The following IQSEC1 variants were observed in gnomAD, a reference collection of about 807,000 sequenced individuals.
The protein encoded by IQSEC1 is IQ motif and Sec7 domain ArfGEF 1, also known as IQ motif and SEC7 domain-containing protein 1.
Under a neutral mutation model 91.0 loss-of-function variants are expected in IQSEC1, and 31 were observed. That is an observed-to-expected ratio of 0.34 (90% CI 0.26 to 0.46). The LOEUF is 0.46. IQSEC1 is among the 20% of genes least tolerant of loss of function. The pLI, the probability that IQSEC1 is intolerant of heterozygous loss-of-function variation, is 1.00. For synonymous variants in IQSEC1, 699 were observed against 662.6 expected, an observed-to-expected ratio of 1.05 and a Z score of -0.84; for missense variants, 1,388 against 1,575.6, an observed-to-expected ratio of 0.88 and a Z score of 2.02.
rs1489519449 is a variant in IQSEC1 at position 12,940,108 on chromosome 3, T to G, written c.318+1463A>C. On this transcript the variant is annotated intron_variant, in intron 2 of 13. Transcript: ENST00000613206. The surrounding 1 kb of genome is among the most constrained non-coding windows in gnomAD (Gnocchi z 4.4). ...CTCCTTTCTGTTTAAATGGCTCTGT[T>G]GCAGACATCTCTTACTATAAACCGT... Among the ~76,000 whole-genome samples, 1 of 152,244 alleles carries G rather than the reference T, an allele frequency of 6.6e-6. No individual in the cohort carries two copies. Among genetic ancestry groups the G allele is most frequent in the Admixed American group, 6.5e-5 (1 of 15,286 alleles).
At chr3:13,245,385 AG>A (rs1695091567) in intron 1 of IQSEC1, among the ~76,000 whole-genome samples, 1 of 152,184 alleles carries the variant, frequency 6.6e-6, no homozygotes, top group African/African-American at 2.4e-5. Flanking sequence ...TCCTGGCCAA[AG>A]CAAGCCACTC....
At position 12,986,274 on chromosome 3, in the gene IQSEC1, C is replaced by T. The variant is rs181910339; in HGVS notation, c.24-44409G>A. ...CTCCTGCTCTTTGTCCCGACTTTTT[C>T]CCCAGAGGCCTAGAGTTCCCTGGAG... On this transcript the variant is annotated intron_variant, in intron 1 of 13. Transcript: ENST00000613206. Among the ~76,000 whole-genome samples, 819 of 152,262 alleles carry T rather than the reference C, an allele frequency of 5.4e-3. 6 individuals carry two copies. Among genetic ancestry groups the T allele is most frequent in the African/African-American group, 0.019 (793 of 41,560 alleles).
At chr3:13,134,842 A>T (rs1487942174) in intron 2 of IQSEC1, among the ~76,000 whole-genome samples, 1 of 152,168 alleles carries the variant, frequency 6.6e-6, no homozygotes, top group Non-Finnish European at 1.5e-5. Context: ...CAGCTGGCCC[A>T]GTCCAGCCTC....
At chr3:13,028,810 G>A (rs1041236169) in intron 1 of IQSEC1, among the ~76,000 whole-genome samples, 1 of 152,232 alleles carries the variant, frequency 6.6e-6, no homozygotes, top group Non-Finnish European at 1.5e-5. Flanking sequence ...ATTCTTCAGT[G>A]TTGGAGATGG....
chr3:13,007,913 C>G (rs1702706903), intron 1 of IQSEC1, among the ~76,000 whole-genome samples: 1 of 152,176 alleles, frequency 6.6e-6, no homozygotes, highest in African/African-American at 2.4e-5. Context: ...CCCACCCTTC[C>G]CCGGAGCAAG....
intron 2 of IQSEC1, among the ~76,000 whole-genome samples, chr3:13,094,267 T>C (rs551832): frequency 0.76 from 115,750 of 152,054 alleles, 44,340 homozygotes; most frequent in East Asian, 0.89. Context: ...AGGGACTGCA[T>C]CAGGCCTTGA....
At chr3:13,255,766 G>A (rs1182103411) in intron 1 of IQSEC1, among the ~76,000 whole-genome samples, 1 of 152,142 alleles carries the variant, frequency 6.6e-6, no homozygotes, top group Admixed American at 6.5e-5. Context: ...ACAGGCACGA[G>A]CCACTGTAAT....
At chr3:13,210,757 G>A (rs546310689) in intron 1 of IQSEC1, among the ~76,000 whole-genome samples, 1 of 152,264 alleles carries the variant, frequency 6.6e-6, no homozygotes, top group Non-Finnish European at 1.5e-5. Flanking sequence ...GCAGCCTCAG[G>A]AGTCATGTGT....
At chr3:13,137,679 G>A (rs1706732458) in intron 2 of IQSEC1, among the ~76,000 whole-genome samples, 1 of 152,118 alleles carries the variant, frequency 6.6e-6, no homozygotes, top group Non-Finnish European at 1.5e-5. Context: ...GCACAAAGAA[G>A]GGGCACAGTG....
chr3:12,953,430 C>T (rs1030332155), intron 1 of IQSEC1, among the ~76,000 whole-genome samples: 10 of 152,352 alleles, frequency 6.6e-5, no homozygotes, highest in African/African-American at 1.4e-4. Context: ...GGCCCAGGTC[C>T]GCCTCAGGCT....
intron 12 of IQSEC1, among the ~76,000 whole-genome samples, chr3:12,907,854 C>G (rs189617501): frequency 6.6e-6 from 1 of 152,248 alleles, no homozygotes; most frequent in Non-Finnish European, 1.5e-5. Context: ...TCAATGGCCT[C>G]TGGGCTGGAC....
intron 1 of IQSEC1, among the ~76,000 whole-genome samples, chr3:13,212,842 C>T (rs1694472267): frequency 6.6e-6 from 1 of 152,166 alleles, no homozygotes; most frequent in Admixed American, 6.5e-5. Flanking sequence ...TATTCCAGTC[C>T]TTGGCCCATT....
rs192587856 is a variant in IQSEC1, at chr3:13,121,102, A to G, written c.302+43002T>C. Among the ~76,000 whole-genome samples, 190 of 152,276 alleles carry G rather than the reference A, an allele frequency of 1.2e-3. 1 individual carries two copies. The highest frequency in any genetic ancestry group is 4.0e-3 in the African/African-American group (168 of 41,548). ...GTCGGCATCGTCCTCGGCCCTGACTATCACAGTCGCTGCCCTATGCTGTAC... is the reference window on the plus strand; with the variant it reads ...GTCGGCATCGTCCTCGGCCCTGACTGTCACAGTCGCTGCCCTATGCTGTAC... On this transcript the variant is annotated intron_variant, in intron 2 of 15. Coordinates refer to the IQSEC1 transcript ENST00000648114.
intron 1 of IQSEC1, among the ~76,000 whole-genome samples, chr3:13,167,455 G>A (rs1203578868): frequency 2.6e-5 from 4 of 152,204 alleles, no homozygotes; most frequent in East Asian, 3.9e-4. Flanking sequence ...TACCAGGGCC[G>A]AAGCAGCTGG....
chr3:12,920,509 C>G lies in IQSEC1; in HGVS notation c.1941G>C (p.Leu647=), dbSNP rs749827419. The change falls in exon 6 of 14, where the codon CTG becomes CTC. Residue 647 remains leucine (L), a synonymous_variant. Transcript: ENST00000613206. The part of the protein sequence containing the change: ...TIFILAFAII[L]LNTDMYSPNV... ...TGGGGCTGTACATGTCGGTGTTCAG[C>G]AGGATGATGGCGAAGGCCAGGATGA... is the stretch of plus-strand genomic sequence containing the variant. 9.9e-6 allele frequency: 16 copies of G among 1,614,216 alleles called. No homozygotes were observed. In the South Asian group the frequency reaches 1.8e-4, roughly 18 times the overall value.
chr3:13,244,946 C>T (rs1437037266), intron 1 of IQSEC1, among the ~76,000 whole-genome samples: 1 of 152,196 alleles, frequency 6.6e-6, no homozygotes, highest in Non-Finnish European at 1.5e-5. Context: ...CTACTAAGAA[C>T]CTCAATGGAG....
intron 1 of IQSEC1, among the ~76,000 whole-genome samples, chr3:13,182,874 G>A (rs1216107319): frequency 6.6e-6 from 1 of 152,160 alleles, no homozygotes; most frequent in Non-Finnish European, 1.5e-5. Context: ...AAAGAAATTA[G>A]AAAAAGTAGG....
chr3:12,994,187 G>T lies in IQSEC1; in HGVS notation c.24-52322C>A, dbSNP rs1348072935. ...GGGGGGCGGGGGCGGGCGCTCGGGA[G>T]CCGGAGCCGGAGCCCGAGCCCGATA... On this transcript the variant is annotated intron_variant, in intron 1 of 13. Transcript: ENST00000613206. This position sits in a 1 kb window ranked among gnomAD's most constrained non-coding sequence, Gnocchi z 4.5. Among the ~76,000 whole-genome samples the T allele has an allele frequency of 3.4e-5, 5 of 147,516 alleles. No homozygotes were observed. Among genetic ancestry groups the T allele is most frequent in the Non-Finnish European group, 7.5e-5 (5 of 66,328 alleles).
intron 1 of IQSEC1, among the ~76,000 whole-genome samples, chr3:13,280,975 G>A (rs557034548): frequency 6.6e-6 from 1 of 150,998 alleles, no homozygotes; most frequent in African/African-American, 2.5e-5. Context: ...TGCAACCCAG[G>A]GGGATGCCCC....
Sources: allele counts gnomAD v4.1 joint callset (sites outside exome capture counted in the v4.1 genomes callset), GRCh38; gene constraint gnomAD v4.1.1; non-coding constraint Gnocchi (gnomAD v3.1); transcripts MANE v1.5; gene names NCBI Gene and HGNC (gene_info 2026-07-23, HGNC 2026-07-21).